The following C5orf63 variants were observed in gnomAD, a reference collection of about 807,000 sequenced individuals.
C5orf63 encodes the protein glutaredoxin-like protein C5orf63.
Under a neutral mutation model 13.3 loss-of-function variants are expected in C5orf63, and 18 were observed. That is an observed-to-expected ratio of 1.36 (90% confidence interval 0.94 to 2.01). C5orf63 has a LOEUF of 2.01. C5orf63 is among the 30% of genes most tolerant of loss of function. C5orf63 has a pLI of 0.00. For synonymous variants in C5orf63, 38 were observed against 44.7 expected, an observed-to-expected ratio of 0.85 and a Z score of 0.60; for missense variants, 118 against 127.7, an observed-to-expected ratio of 0.92 and a Z score of 0.36.
chr5:127,056,097 T>C (rs1449723088), intron 3 of C5orf63, among the ~76,000 whole-genome samples: 1 of 152,168 alleles, frequency 6.6e-6, no homozygotes, highest in African/African-American at 2.4e-5. Flanking sequence ...AAGCGTGTTA[T>C]AATATTGCTT....
intron 3 of C5orf63, among the ~76,000 whole-genome samples, chr5:127,055,740 AC>A (rs1753858950): frequency 6.6e-6 from 1 of 152,172 alleles, no homozygotes; most frequent in African/African-American, 2.4e-5. Context: ...AGCAAAAAAA[AC>A]CAAGAGCATG....
downstream of C5orf63, among the ~76,000 whole-genome samples, chr5:127,050,404 C>A (rs1221350991): frequency 6.6e-6 from 1 of 151,662 alleles, no homozygotes; most frequent in Non-Finnish European, 1.5e-5. Context: ...TGGACTCAAA[C>A]TTCTGGGCTC....
chr5:127,050,623 C>T (rs1187713053), downstream of C5orf63, among the ~76,000 whole-genome samples: 1 of 152,146 alleles, frequency 6.6e-6, no homozygotes, highest in Non-Finnish European at 1.5e-5. Flanking sequence ...AACTGACTGG[C>T]TGTGTGACCT....
chr5:127,044,797 G>A (rs1207714053), downstream of C5orf63: 1 of 108,774 alleles, frequency 9.2e-6, no homozygotes, highest in South Asian at 2.9e-4. Flanking sequence ...TCCTTTTTCT[G>A]GAGAACGGGG....
At chr5:127,069,196 T>C (rs1754440067) in intron 2 of C5orf63, among the ~76,000 whole-genome samples, 1 of 152,202 alleles carries the variant, frequency 6.6e-6, no homozygotes, top group African/African-American at 2.4e-5. Flanking sequence ...AGCATTAAGA[T>C]GAGGGCAAAA....
At chr5:127,064,056 C>T (rs1164820566) in intron 2 of C5orf63, among the ~76,000 whole-genome samples, 2 of 152,064 alleles carry the variant, frequency 1.3e-5, no homozygotes, top group Non-Finnish European at 2.9e-5. Context: ...TGCCTCTGTG[C>T]TTTTGGTCAG....
intron 2 of C5orf63, among the ~76,000 whole-genome samples, chr5:127,069,538 T>C (rs1754456113): frequency 6.6e-6 from 1 of 152,242 alleles, no homozygotes; most frequent in South Asian, 2.1e-4. Context: ...AAGTTATCTT[T>C]GTGCCCCCAC....
At chr5:127,063,630 A>G (rs1309206999) in intron 2 of C5orf63, among the ~76,000 whole-genome samples, 2 of 152,346 alleles carry the variant, frequency 1.3e-5, no homozygotes, top group Non-Finnish European at 2.9e-5. Context: ...CAAAAAGTCT[A>G]CATCAGCCCA....
chr5:127,055,740 A>T (rs1198131393), intron 3 of C5orf63, among the ~76,000 whole-genome samples: 1 of 152,172 alleles, frequency 6.6e-6, no homozygotes, highest in Non-Finnish European at 1.5e-5. Flanking sequence ...AGCAAAAAAA[A>T]CCAAGAGCAT....
exon 5 of C5orf63, chr5:127,045,753 T>G (rs1753508429): frequency 6.6e-6 from 1 of 152,250 alleles, no homozygotes; most frequent in African/African-American, 2.4e-5. Context: ...CCTCCCTGAC[T>G]TTCATGATTA....
intron 2 of C5orf63, among the ~76,000 whole-genome samples, chr5:127,061,003 T>G (rs12653823): frequency 0.098 from 14,899 of 152,250 alleles, 1,152 homozygotes; most frequent in African/African-American, 0.22. Flanking sequence ...TATTTATTTG[T>G]ATGTTAAAAG....
chr5:127,051,960 C>G lies in C5orf63; in HGVS notation c.172-13G>C, dbSNP rs1561488115. On this transcript the variant is annotated splice_polypyrimidine_tract_variant and intron_variant, in intron 4 of 4. Coordinates refer to ENST00000296662, the MANE Select transcript of C5orf63 (RefSeq NM_001164478.2). ...CCTGTAAAATGAACTGAAACAGAGA[C>G]AGACTAAAGCTCTGTATTTTAGACC... 7.5e-6 allele frequency: 11 copies of G among 1,475,536 alleles called. No individual in the cohort carries two copies. The Admixed American group carries it at 1.2e-4, about 16-fold the overall frequency. 91.4% of individuals were successfully genotyped at this position (1,475,536 alleles called of 1,614,324 possible).
chr5:127,054,566 C>A (rs965655780), intron 3 of C5orf63, among the ~76,000 whole-genome samples: 7 of 152,122 alleles, frequency 4.6e-5, no homozygotes, highest in Non-Finnish European at 8.8e-5. Flanking sequence ...ATCCTTTGCC[C>A]ACTTTTTGAT....
chr5:127,048,781 G>C (rs1753585408), downstream of C5orf63, among the ~76,000 whole-genome samples: 1 of 152,190 alleles, frequency 6.6e-6, no homozygotes, highest in Non-Finnish European at 1.5e-5. Context: ...ACTCAGGTAA[G>C]AAGTGCTCCA....
downstream of C5orf63, chr5:127,045,009 T>A (rs1259890548): frequency 6.6e-6 from 1 of 152,116 alleles, no homozygotes; most frequent in Admixed American, 6.5e-5. Context: ...TTTCTGGATG[T>A]CGTTTCTTAG....
At position 127,058,778 on chromosome 5, in the gene C5orf63, A is replaced by C. The variant is rs149350397; in HGVS notation, c.114+104T>G. ...TGTGCTGATAGAAAAATTGAAGAGC[A>C]GGTCTGAAGAAAGCTTATTCCATTG... On this transcript the variant is annotated intron_variant, in intron 3 of 4. Transcript: ENST00000296662. The C allele has an allele frequency of 3.2e-4, 220 of 686,586 alleles. 1 individual carries two copies. The Admixed American group carries it at 3.5e-3, about 11-fold the overall frequency. 42.5% of individuals were successfully genotyped at this position (686,586 alleles called of 1,614,324 possible).
chr5:127,064,597 C>T (rs1408357220), intron 2 of C5orf63, among the ~76,000 whole-genome samples: 1 of 152,198 alleles, frequency 6.6e-6, no homozygotes, highest in African/African-American at 2.4e-5. Context: ...GACGCAGCTC[C>T]TCATACCACT....
intron 2 of C5orf63, among the ~76,000 whole-genome samples, chr5:127,062,745 A>T (rs1277743928): frequency 6.6e-6 from 1 of 152,172 alleles, no homozygotes; most frequent in African/African-American, 2.4e-5. Context: ...TGACATTTTC[A>T]TTAGTTCTAT....
Position 127,051,905 on chromosome 5 carries a change from CAG to C in C5orf63, c.212_213del (p.Ser71CysfsTer4). 1 of 1,527,894 alleles carries C rather than the reference CAG, an allele frequency of 6.5e-7. No homozygotes were observed. The highest frequency in any genetic ancestry group is 1.2e-5 in the South Asian group (1 of 82,162). 94.6% of individuals were successfully genotyped at this position (1,527,894 alleles called of 1,614,324 possible). On this transcript the variant is annotated frameshift_variant, in exon 5 of 5. Transcript: ENST00000296662. LOFTEE classifies it high-confidence loss of function. ...QEVNITLPEN[S>X]VWYERYKFDI... ...TCAAATTTATACCTTTCATACCAGA[CAG>C]AGTTTTCTGGAAGTGTGATGTTCAC... is the stretch of plus-strand genomic sequence containing the variant.
Sources: gnomAD v4.1 joint callset for allele counts (sites outside exome capture counted in the v4.1 genomes callset) on GRCh38, gnomAD v4.1.1 for gene constraint, MANE v1.5 for transcripts, NCBI Gene and HGNC (gene_info 2026-07-23, HGNC 2026-07-21) for gene names.